Variants in RESP18 observed in about 807,000 individuals in gnomAD.
The protein encoded by RESP18 is regulated endocrine specific protein 18.
In RESP18, 30 loss-of-function variants were observed where a neutral mutation model predicts 30.0. The ratio of observed to expected loss-of-function variants is 1.00; its 90% CI spans 0.75 to 1.36. The LOEUF (loss-of-function observed/expected upper bound fraction) is 1.36, where lower values mean the gene tolerates loss of function less well. Among genes scored for constraint, RESP18 ranks in the 40% most tolerant of loss-of-function variants. RESP18 has a pLI of 0.00. For missense variants in RESP18, 320 were observed against 284.2 expected, an observed-to-expected ratio of 1.13 and a Z score of -0.91; for synonymous variants, 117 against 111.2, an observed-to-expected ratio of 1.05 and a Z score of -0.33.
chr2:219,328,037 C>T (rs116781515), intron 6 of RESP18, among the ~76,000 whole-genome samples: 3 of 152,202 alleles, frequency 2.0e-5, no homozygotes, highest in African/African-American at 7.2e-5. Flanking sequence ...TGCCACCACC[C>T]AAATTCAAGC....
chr2:219,330,784 C>G lies in RESP18; in HGVS notation c.324G>C (p.Gln108His). Residue 108 changes from glutamine (Q) to histidine (H), a missense_variant, in exon 3 of 7, where the codon CAG becomes CAC. Physicochemically the swap from Gln to His is conservative, Grantham distance 24. Transcript: ENST00000333527. ...GCTTTTACTTACCTTGGGGTATAATCTGCTGGAGCACAACCTGTAAATGCT... is the reference window on the plus strand; with the variant it reads ...GCTTTTACTTACCTTGGGGTATAATGTGCTGGAGCACAACCTGTAAATGCT... 1.3e-6 allele frequency: 2 copies of G among 1,550,062 alleles called. No homozygotes were observed. The highest frequency in any genetic ancestry group is 2.4e-5 in the South Asian group (2 of 83,964).
chr2:219,330,709 C>T (rs1285827105), intron 3 of RESP18, 62 bp downstream of exon 2: 6 of 1,060,250 alleles, frequency 5.7e-6, no homozygotes, highest in Non-Finnish European at 8.4e-6. Flanking sequence ...GTCGGATAGC[C>T]CCTCTTCCCC....
At chr2:219,331,152 C>T (rs1952826829) in intron 2 of RESP18, 1 of 326,334 alleles carries the variant, frequency 3.1e-6, no homozygotes, top group African/African-American at 2.2e-5. Context: ...TGCGCAGAGG[C>T]TCAGAAAGCT....
Position 219,329,668 on chromosome 2 carries a change from C to A in RESP18, c.434G>T (p.Gly145Val), listed in dbSNP as rs1952809213. ...GGTTTTAGTGGGGAAAAGTGCCTTC[C>A]CATCCTTCAGGCATGGTTCTTGGGG... is the stretch of plus-strand genomic sequence containing the variant. Residue 145 changes from glycine (G) to valine (V), a missense_variant, in exon 4 of 7, where the codon GGG becomes GTG. Transcript: ENST00000333527. 1 of 1,551,556 alleles carries A rather than the reference C, an allele frequency of 6.4e-7. No homozygotes were observed. Among genetic ancestry groups the A allele is most frequent in the Non-Finnish European group, 8.7e-7 (1 of 1,146,984 alleles).
At chr2:219,328,249 G>T (rs1952793173) in intron 6 of RESP18, among the ~76,000 whole-genome samples, 1 of 152,200 alleles carries the variant, frequency 6.6e-6, no homozygotes, top group Non-Finnish European at 1.5e-5. Context: ...GCTATGATCT[G>T]TGAGCCCCTG....
intron 4 of RESP18, 164 bp downstream of exon 3, chr2:219,329,473 A>G (rs1368086898): frequency 1.3e-6 from 2 of 1,550,108 alleles, no homozygotes; most frequent in Non-Finnish European, 1.7e-6. Context: ...CTTTGCAGAT[A>G]TCACTAATGG....
intron 3 of RESP18, among the ~76,000 whole-genome samples, chr2:219,330,461 G>C (rs1478113875): frequency 2.0e-5 from 3 of 151,892 alleles, no homozygotes; most frequent in Non-Finnish European, 4.4e-5. Context: ...TCCTGGCTTT[G>C]GAAAAGCTCA....
At position 219,329,732 on chromosome 2, in the gene RESP18, C is replaced by G. The variant is rs1380680244; in HGVS notation, c.370G>C (p.Ala124Pro). ...GCATGCTCCATCTTTTGGATCATTG[C>G]ATCCTGGGTGATGTCATCCTTCCAG... Residue 124 changes from alanine (A) to proline (P), a missense_variant, in exon 4 of 7, where the codon GCA becomes CCA. Coordinates refer to ENST00000333527, the MANE Select transcript of RESP18 (RefSeq NM_001007089.4). 6 of 1,551,644 alleles carry G rather than the reference C, an allele frequency of 3.9e-6. No homozygotes were observed. In the Admixed American group the frequency reaches 1.2e-4, roughly 30 times the overall value.
rs536805522 is a variant in RESP18 at position 219,328,729 on chromosome 2, C to T, written c.640+195G>A. Among the ~76,000 whole-genome samples the T allele has an allele frequency of 4.2e-4, 64 of 152,294 alleles. 1 individual carries two copies. The South Asian group carries it at 0.013, about 30-fold the overall frequency. On this transcript the variant is annotated intron_variant, in intron 6 of 6. Coordinates refer to ENST00000333527, the MANE Select transcript of RESP18 (RefSeq NM_001007089.4). Reference sequence around the variant, plus strand: ...AAGATCCCAAGGAGATGTCTCAGAGCCTTGCCTGGGTGACTTGCCCAGGCC... The same window carrying T: ...AAGATCCCAAGGAGATGTCTCAGAGTCTTGCCTGGGTGACTTGCCCAGGCC...
chr2:219,328,565 C>T (rs1952796695), intron 6 of RESP18, among the ~76,000 whole-genome samples: 1 of 152,196 alleles, frequency 6.6e-6, no homozygotes, highest in Non-Finnish European at 1.5e-5. Flanking sequence ...ATCAGGAGAC[C>T]TGGGTCCAGT....
At chr2:219,330,293 GTC>G (rs965554826) in intron 3 of RESP18, among the ~76,000 whole-genome samples, 1 of 151,386 alleles carries the variant, frequency 6.6e-6, no homozygotes, top group Non-Finnish European at 1.5e-5. Flanking sequence ...CTAGCTGACT[GTC>G]TCCTCCCCAA....
At chr2:219,329,489 GA>G in intron 4 of RESP18, 147 bp downstream of exon 3, 1 of 1,547,270 alleles carries the variant, frequency 6.5e-7, no homozygotes, top group Non-Finnish European at 8.7e-7. Context: ...AATGGATCAT[GA>G]AATTCTTCTC....
chr2:219,329,406 T>C (rs965440080), intron 4 of RESP18, 154 bp from the exon 4 acceptor site: 3 of 1,550,978 alleles, frequency 1.9e-6, no homozygotes, highest in Non-Finnish European at 2.6e-6. Context: ...CTCCTCTTGC[T>C]AGAAGAGACA....
At chr2:219,332,829 C>G (rs1027815404) in intron 1 of RESP18, 85 bp from the exon 1 acceptor site, 198 of 1,045,078 alleles carry the variant, frequency 1.9e-4, no homozygotes, top group Non-Finnish European at 2.3e-4. Context: ...CGCCTCCCCA[C>G]CCTCATCTCT....
chr2:219,328,873 T>C (rs1952800005), intron 6 of RESP18, 51 bp downstream of exon 5: 1 of 1,240,288 alleles, frequency 8.1e-7, no homozygotes, highest in Admixed American at 2.1e-5. Flanking sequence ...AAAGGACGTT[T>C]AATTTTGAAA....
chr2:219,331,723 C>A (rs1200751871), intron 2 of RESP18, among the ~76,000 whole-genome samples: 2 of 152,126 alleles, frequency 1.3e-5, no homozygotes, highest in South Asian at 2.1e-4. Context: ...TCGGGCTCGG[C>A]GTGGACCCGG....
In RESP18 at chr2:219,329,743, A is replaced by T. The variant is rs1311600632; in HGVS notation, c.359T>A (p.Ile120Asn). 8 of 1,551,508 alleles carry T rather than the reference A, an allele frequency of 5.2e-6. No individual in the cohort carries two copies. Among genetic ancestry groups the T allele is most frequent in the East Asian group, 4.9e-5 (2 of 40,914 alleles). The change falls in exon 4 of 7, where the codon ATC becomes AAC. Residue 120 changes from isoleucine (I) to asparagine (N), a missense_variant. Ile to Asn is a moderately radical substitution (Grantham distance 149). Transcript: ENST00000333527. Reference sequence around the variant, plus strand: ...CTTTTGGATCATTGCATCCTGGGTGATGTCATCCTTCCAGAACAGACCTGC... The same window carrying T: ...CTTTTGGATCATTGCATCCTGGGTGTTGTCATCCTTCCAGAACAGACCTGC...
rs1952846768 is a variant in RESP18 at position 219,332,802 on chromosome 2, C to T, written c.18-64G>A. 3.9e-6 allele frequency: 5 copies of T among 1,279,790 alleles called. No homozygotes were observed. The East Asian group carries it at 1.3e-4, about 33-fold the overall frequency. 79.3% of individuals were successfully genotyped at this position (1,279,790 alleles called of 1,614,324 possible). A position where few individuals can be genotyped will look rare whatever the true frequency, so the allele number is the denominator to read the frequency against. ...GGGCCCTGCCCCTGCGGTCGCCTCC[C>T]CAGCTCCTTCCCCTACCGCCTCCCC... is the stretch of plus-strand genomic sequence containing the variant. On this transcript the variant is annotated intron_variant, in intron 1 of 6. Coordinates refer to ENST00000333527, the MANE Select transcript of RESP18 (RefSeq NM_001007089.4).
At chr2:219,329,538 C>T in intron 4 of RESP18, 99 bp downstream of exon 3, 1 of 1,535,698 alleles carries the variant, frequency 6.5e-7, no homozygotes, top group Non-Finnish European at 8.8e-7. Context: ...TCTCACAGTG[C>T]TCCTGGCAAC....
Sources: gnomAD v4.1 joint callset for allele counts (sites outside exome capture counted in the v4.1 genomes callset) on GRCh38, gnomAD v4.1.1 for gene constraint, MANE v1.5 for transcripts, NCBI Gene and HGNC (gene_info 2026-07-23, HGNC 2026-07-21) for gene names.